MYO15A: variants seen among roughly 807,000 people sequenced by gnomAD.
MYO15A encodes the protein myosin XVA, also known as unconventional myosin-XV.
MYO15A carries 308 observed loss-of-function variants against 394.6 expected under a neutral mutation model. That is an observed-to-expected ratio of 0.78 (90% CI 0.71 to 0.86). The LOEUF is 0.86. MYO15A is among the 40% of genes least tolerant of loss of function. The pLI is 0.00. For missense variants in MYO15A, 4,606 were observed against 4,799.1 expected, an observed-to-expected ratio of 0.96 and a Z score of 1.19; for synonymous variants, 1,957 against 2,003.8, an observed-to-expected ratio of 0.98 and a Z score of 0.62.
intron 51 of MYO15A, 191 bp from the exon 52 acceptor site, chr17:18,158,332 C>A: frequency 1.7e-6 from 1 of 603,820 alleles, no homozygotes; most frequent in Non-Finnish European, 2.9e-6. Flanking sequence ...GCCAGGTTAG[C>A]ACAGCAAGTA....
chr17:18,160,093 C>G (rs1417020231), intron 56 of MYO15A, 76 bp downstream of exon 56: 4 of 1,384,168 alleles, frequency 2.9e-6, no homozygotes, highest in Middle Eastern at 1.8e-4. Context: ...AGCCTCCCAC[C>G]TCCTCAGGCC....
chr17:18,155,267 A>G (rs757173907), intron 46 of MYO15A, 42 bp downstream of exon 46: 2 of 1,613,632 alleles, frequency 1.2e-6, no homozygotes, highest in Non-Finnish European at 8.5e-7. Context: ...CAGAGGATTC[A>G]GGGATGAGAC....
At chr17:18,135,320 G>A (rs1015312637) in intron 12 of MYO15A, among the ~76,000 whole-genome samples, 18 of 152,186 alleles carry the variant, frequency 1.2e-4, no homozygotes, top group Admixed American at 1.3e-4. Flanking sequence ...ACAGGCACCC[G>A]CCACCACGCG....
Position 18,124,514 on chromosome 17 carries a change from G to A in MYO15A, c.3641G>A (p.Arg1214Gln), listed in dbSNP as rs376676996. 20 of 1,612,856 alleles carry A rather than the reference G, an allele frequency of 1.2e-5. No homozygotes were observed. The East Asian group carries it at 1.3e-4, about 11-fold the overall frequency. The change falls in exon 3 of 66, where the codon CGG (arginine) becomes CAG (glutamine). Residue 1214 changes from arginine to glutamine, a missense_variant. Arg to Gln is a conservative substitution (Grantham distance 43). Around this residue, in one of 2 missense-constraint regions of MYO15A, gnomAD observed 2,776 missense variants for 3,109.3 expected, o/e 0.89. Transcript: ENST00000647165. The part of the protein sequence containing the change: ...MHSIRNLPSM[R>Q]FREQHGEDGV... ...TCCATCCGCAACCTGCCATCCATGC[G>A]GTTCCGTGAGCAGCACGGGGAGGAT...
intron 60 of MYO15A, chr17:18,164,172 TG>T (rs993164822): frequency 7.8e-6 from 3 of 386,128 alleles, no homozygotes; most frequent in Non-Finnish European, 1.5e-5. Context: ...CCGCATATTA[TG>T]GAACCTATAG....
intron 65 of MYO15A, chr17:18,177,113 ATG>A (rs1199020133): frequency 6.6e-6 from 1 of 152,170 alleles, no homozygotes; most frequent in East Asian, 1.9e-4. Flanking sequence ...TCTGGCCTGT[ATG>A]TGTCAGGGGC....
intron 1 of MYO15A, among the ~76,000 whole-genome samples, chr17:18,116,007 G>A (rs1244343587): frequency 2.6e-5 from 4 of 152,226 alleles, no homozygotes; most frequent in Non-Finnish European, 5.9e-5. Flanking sequence ...CATGAGGGCA[G>A]GGTTTTTCTC....
intron 45 of MYO15A, 76 bp from the exon 46 acceptor site, chr17:18,155,034 C>T (rs1245047959): frequency 7.1e-7 from 1 of 1,399,830 alleles, no homozygotes; most frequent in Non-Finnish European, 9.9e-7. Context: ...TCAGCCACCT[C>T]CCTCCCTGAC....
rs2046507951 is a variant in MYO15A, at chr17:18,147,940, C to G, written c.6510-89C>G. ...TAGCCTGGGCCTTTCTCAGACTAGC[C>G]TCAGAATTTCCTACCCCCACCCCGC... On this transcript the variant is annotated intron_variant, in intron 30 of 65. Coordinates refer to ENST00000647165, the MANE Select transcript of MYO15A (RefSeq NM_016239.4). This position sits in a 1 kb window ranked among gnomAD's most constrained non-coding sequence, Gnocchi z 4.4. 2.0e-6 allele frequency: 3 copies of G among 1,527,898 alleles called. No individual in the cohort carries two copies. The highest frequency in any genetic ancestry group is 1.7e-5 in the Admixed American group (1 of 59,584). The allele number at this position is 1,527,898 out of a possible 1,614,324, so 94.6% of individuals were successfully genotyped here. A position where few individuals can be genotyped will look rare whatever the true frequency, so the allele number is the denominator to read the frequency against.
intron 5 of MYO15A, 76 bp from the exon 6 acceptor site, chr17:18,126,715 G>A (rs939263150): frequency 2.7e-5 from 40 of 1,490,024 alleles, no homozygotes; most frequent in African/African-American, 6.9e-5. Context: ...GGCTGGATAC[G>A]GATGCTCCCT....
Position 18,150,996 on chromosome 17 carries a change from T to C in MYO15A, c.7473+83T>C. 4 of 1,606,194 alleles carry C rather than the reference T, an allele frequency of 2.5e-6. No individual in the cohort carries two copies. The highest frequency in any genetic ancestry group is 3.4e-6 in the Non-Finnish European group (4 of 1,177,224). On this transcript the variant is annotated intron_variant, in intron 38 of 65. Transcript: ENST00000647165. The surrounding 1 kb of genome is among the most constrained non-coding windows in gnomAD (Gnocchi z 4.4). ...AATGCTGTGCTGCTCCAGGGCACTA[T>C]TGTGCCTCTTTGAGCCCAGGAGCTC...
At chr17:18,134,891 T>A (rs1337950957) in intron 12 of MYO15A, among the ~76,000 whole-genome samples, 2 of 152,214 alleles carry the variant, frequency 1.3e-5, no homozygotes, top group Non-Finnish European at 2.9e-5. Flanking sequence ...TTTTTCTTTT[T>A]ATTTTTTGAG....
chr17:18,148,412 C>T lies in MYO15A; in HGVS notation c.6692-84C>T. ...GAAGTGAGGCTACAGATACAGGAAGCCTGAAAGGAAGAAGCAAGCAGGGAG... is the reference window on the plus strand; with the variant it reads ...GAAGTGAGGCTACAGATACAGGAAGTCTGAAAGGAAGAAGCAAGCAGGGAG... On this transcript the variant is annotated intron_variant, in intron 31 of 65. Coordinates refer to ENST00000647165, the MANE Select transcript of MYO15A (RefSeq NM_016239.4). The surrounding 1 kb of genome is among the most constrained non-coding windows in gnomAD (Gnocchi z 4.8). The T allele has an allele frequency of 6.6e-7, 1 of 1,513,560 alleles. No individual in the cohort carries two copies. The highest frequency in any genetic ancestry group is 9.0e-7 in the Non-Finnish European group (1 of 1,115,180). 93.8% of individuals were successfully genotyped at this position (1,513,560 alleles called of 1,614,324 possible).
At chr17:18,125,836 A>T (rs2046027893) in intron 4 of MYO15A, among the ~76,000 whole-genome samples, 1 of 152,070 alleles carries the variant, frequency 6.6e-6, no homozygotes, top group Admixed American at 6.6e-5. Context: ...CCAGAGTCCT[A>T]GAATCCATAG....
At chr17:18,161,280 T>G in intron 56 of MYO15A, 37 bp from the exon 57 acceptor site, 7 of 1,610,148 alleles carry the variant, frequency 4.3e-6, no homozygotes, top group Non-Finnish European at 5.9e-6. Context: ...TCTAGTGCTG[T>G]GGCCACCTCT....
rs1313642761 is a variant in MYO15A, at chr17:18,119,401, G to A, written c.601G>A (p.Glu201Lys). ...CAGCCGCAGCATCTACGCGTCAGGC[G>A]AGCCCCTGGGCTTCCTGCCCTTCGA... ...PRSRSIYASG[E>K]PLGFLPFEDE... The change falls in exon 2 of 66, where the codon GAG (glutamate) becomes AAG (lysine). Residue 201 changes from glutamate to lysine, a missense_variant. Glu to Lys is a moderately conservative substitution (Grantham distance 56). This residue lies in a region of MYO15A where 1,830 missense variants were observed against 1,689.7 expected (regional missense o/e 1.08). Coordinates refer to ENST00000647165, the MANE Select transcript of MYO15A (RefSeq NM_016239.4). The A allele has an allele frequency of 1.2e-6, 2 of 1,611,574 alleles. No individual in the cohort carries two copies. Among genetic ancestry groups the A allele is most frequent in the South Asian group, 2.2e-5 (2 of 91,086 alleles).
In MYO15A at chr17:18,157,221, C is replaced by T. The variant is rs1042911195; in HGVS notation, c.8779C>T (p.Pro2927Ser). 3.7e-6 allele frequency: 6 copies of T among 1,605,346 alleles called. No individual in the cohort carries two copies. The African/African-American group carries it at 6.7e-5, about 18-fold the overall frequency. The change falls in exon 50 of 66, where the codon CCC (proline) becomes TCC (serine). Residue 2927 changes from proline (P) to serine (S), a missense_variant. Physicochemically the swap from Pro to Ser is moderately conservative, Grantham distance 74 (BLOSUM62 -1). Coordinates refer to ENST00000647165, the MANE Select transcript of MYO15A (RefSeq NM_016239.4). ...VYLEELRRRGPDFGWRFGTIH... is the reference protein window; with the variant it reads ...VYLEELRRRGSDFGWRFGTIH... ...CCTGGAGGAGCTGCGACGTAGAGGC[C>T]CCGACTTTGGTGTGTGCCCCAGAAC...
rs756752580 is a variant in MYO15A, at chr17:18,142,122, G to T, written c.5693G>T (p.Arg1898Leu). 2 of 1,613,740 alleles carry T rather than the reference G, an allele frequency of 1.2e-6. No individual in the cohort carries two copies. The highest frequency in any genetic ancestry group is 2.7e-5 in the African/African-American group (2 of 75,050). ...EHLYQLLESMREHVLNLAALT... is the reference protein window; with the variant it reads ...EHLYQLLESMLEHVLNLAALT... ...CTATACCAGCTGCTGGAGAGTATGC[G>T]AGAGCATGTCCTGAATCTGGCAGCC... Residue 1898 changes from arginine to leucine, a missense_variant, in exon 24 of 66, where the codon CGA becomes CTA. Coordinates refer to ENST00000647165, the MANE Select transcript of MYO15A (RefSeq NM_016239.4).
At chr17:18,139,360 C>G (rs1022641749) in intron 18 of MYO15A, 174 bp from the exon 19 acceptor site, 115 of 736,128 alleles carry the variant, frequency 1.6e-4, no homozygotes, top group Non-Finnish European at 2.5e-4. Context: ...AGGGTGAGGC[C>G]AAGACCCAGG....
Sources: gnomAD v4.1 joint callset for allele counts (sites outside exome capture counted in the v4.1 genomes callset) on GRCh38, gnomAD v4.1.1 for gene constraint, gnomAD v4.1.1 regional missense constraint, Gnocchi (gnomAD v3.1) non-coding constraint, MANE v1.5 for transcripts, NCBI Gene and HGNC (gene_info 2026-07-23, HGNC 2026-07-21) for gene names.